The following CD5 variants were observed in gnomAD, a reference collection of about 807,000 sequenced individuals.
CD5 encodes the protein T-cell surface glycoprotein CD5.
A neutral mutation model predicts 60.3 loss-of-function variants in CD5; 36 were observed. That is an observed-to-expected ratio of 0.60 (90% confidence interval 0.46 to 0.79). The LOEUF (loss-of-function observed/expected upper bound fraction) is 0.79, where lower values mean the gene tolerates loss of function less well. CD5 is among the 30% of genes least tolerant of loss of function. CD5 has a pLI of 0.00. For synonymous variants in CD5, 230 were observed against 257.6 expected (o/e 0.89, Z 1.03); for missense variants, 540 against 630.6 (o/e 0.86, Z 1.54).
intron 8 of CD5, among the ~76,000 whole-genome samples, chr11:61,124,695 G>A (rs1171300914): frequency 6.6e-6 from 1 of 151,832 alleles, no homozygotes. Flanking sequence ...TAACATACAG[G>A]CCCTCAGCTC....
the CD5 span, among the ~76,000 whole-genome samples, chr11:61,094,465 A>G: frequency 6.6e-6 from 1 of 151,678 alleles, no homozygotes; most frequent in Non-Finnish European, 1.5e-5. Flanking sequence ...GAACTTGCCT[A>G]CTCCATTTGA....
At position 61,127,272 on chromosome 11, in the gene CD5, G is replaced by A. The variant is rs1422995948; in HGVS notation, c.*987G>A. ...GCTTCCTTAACTGCAAGTGAGAAGA[G>A]GAGGTCTACCCAGGAGCCTCGGGTC... On this transcript the variant is annotated 3_prime_UTR_variant, in exon 11 of 11. Transcript: ENST00000347785. 6.6e-6 allele frequency: 1 copy of A among 152,242 alleles called. No homozygotes were observed. Among genetic ancestry groups the A allele is most frequent in the Non-Finnish European group, 1.5e-5 (1 of 68,034 alleles). 9.4% of individuals were successfully genotyped at this position (152,242 alleles called of 1,614,324 possible).
At chr11:61,104,544 A>T (rs1424035973) in intron 1 of CD5, among the ~76,000 whole-genome samples, 1 of 152,164 alleles carries the variant, frequency 6.6e-6, no homozygotes, top group Non-Finnish European at 1.5e-5. Context: ...GCACCAGGCA[A>T]GTCCCCTGGC....
At chr11:61,117,265 T>C (rs1240622358) in intron 2 of CD5, among the ~76,000 whole-genome samples, 1 of 152,218 alleles carries the variant, frequency 6.6e-6, no homozygotes, top group Non-Finnish European at 1.5e-5. Context: ...TATGACATTG[T>C]AGCACAGGCA....
At position 61,119,121 on chromosome 11, in the gene CD5, C is replaced by T. The variant is rs188861489; in HGVS notation, c.464-113C>T. 1.6e-4 allele frequency: 197 copies of T among 1,209,544 alleles called. 2 individuals are homozygous for T. Among genetic ancestry groups the T allele is most frequent in the East Asian group, 1.5e-3 (65 of 42,538 alleles). 74.9% of individuals were successfully genotyped at this position (1,209,544 alleles called of 1,614,324 possible). A position where few individuals can be genotyped will look rare whatever the true frequency, so the allele number is the denominator to read the frequency against. Reference sequence around the variant, plus strand: ...CAATATTTGGGACCCCATCACCTCCCAAGGCTAAGCGTTAGTCAGTAGTTG... The same window carrying T: ...CAATATTTGGGACCCCATCACCTCCTAAGGCTAAGCGTTAGTCAGTAGTTG... On this transcript the variant is annotated intron_variant, in intron 4 of 10. Transcript: ENST00000347785.
intron 7 of CD5, 35 bp downstream of exon 7, chr11:61,123,067 C>A (rs771893006): frequency 2.5e-6 from 4 of 1,568,842 alleles, no homozygotes; most frequent in Non-Finnish European, 3.5e-6. Flanking sequence ...TCCGTTCCCA[C>A]GTGCAGAGAC....
chr11:61,120,824 C>T (rs1409568650), intron 5 of CD5, among the ~76,000 whole-genome samples: 1 of 152,234 alleles, frequency 6.6e-6, no homozygotes, highest in African/African-American at 2.4e-5. Context: ...GCAGTCCCAC[C>T]GGCCCCTCAG....
chr11:61,118,861 C>T lies in CD5; in HGVS notation c.401-54C>T. The T allele has an allele frequency of 7.4e-7, 1 of 1,348,234 alleles. No individual in the cohort carries two copies. Among genetic ancestry groups the T allele is most frequent in the Admixed American group, 1.7e-5 (1 of 57,162 alleles). The allele number at this position is 1,348,234 out of a possible 1,614,324, so 83.5% of individuals were successfully genotyped here. ...TGGTCCTCTCAAGGCTGCTGGCTGC[C>T]CCCGGCCCTCCCCACACCACCCATT... On this transcript the variant is annotated intron_variant, in intron 3 of 10. Transcript: ENST00000347785. This position sits in a 1 kb window ranked among gnomAD's most constrained non-coding sequence, Gnocchi z 4.7.
At chr11:61,100,910 A>C (rs1346561669), upstream of CD5, among the ~76,000 whole-genome samples, 4 of 141,000 alleles carry the variant, frequency 2.8e-5, no homozygotes, top group African/African-American at 5.5e-5. Context: ...CACACACATC[A>C]ACATGGAGAT....
At chr11:61,103,850 ATGTGTGAGTCTG>A (rs1353761649) in intron 1 of CD5, among the ~76,000 whole-genome samples, 5 of 79,028 alleles carry the variant, frequency 6.3e-5, no homozygotes, top group Admixed American at 4.0e-4. Flanking sequence ...GTGGGGGGGA[ATGTGTGAGTCTG>A]TGTGTGAGTC....
chr11:61,125,239 G>T, intron 9 of CD5, 88 bp downstream of exon 9: 1 of 1,473,556 alleles, frequency 6.8e-7, no homozygotes. Context: ...AAGGTCGGGT[G>T]ATGGCCCAAA....
In CD5 at chr11:61,127,137, T is replaced by C. The variant is rs1423430268; in HGVS notation, c.*852T>C. ...CACAGTTCATCTTCTAACCCAAGAG[T>C]CAGAGATGGGGCTGGTCATGTTCCT... On this transcript the variant is annotated 3_prime_UTR_variant, in exon 11 of 11. Transcript: ENST00000347785. 1 of 152,168 alleles carries C rather than the reference T, an allele frequency of 6.6e-6. No homozygotes were observed. Among genetic ancestry groups the C allele is most frequent in the Non-Finnish European group, 1.5e-5 (1 of 68,042 alleles). 9.4% of individuals were successfully genotyped at this position (152,168 alleles called of 1,614,324 possible).
upstream of CD5, among the ~76,000 whole-genome samples, chr11:61,101,356 ATGGAGAT>A (rs1860681346): frequency 1.0e-5 from 1 of 98,028 alleles, no homozygotes; most frequent in Non-Finnish European, 2.2e-5. Flanking sequence ...ACACATCAAC[ATGGAGAT>A]CACACACACA....
Position 61,126,437 on chromosome 11 carries a change from A to T in CD5, c.*152A>T, listed in dbSNP as rs1861150204. ...CTTCCGGACAGGCGCTGCTGCCCCGAGTGGCAGGCCAGCTCACACTCTGCT... is the reference window on the plus strand; with the variant it reads ...CTTCCGGACAGGCGCTGCTGCCCCGTGTGGCAGGCCAGCTCACACTCTGCT... On this transcript the variant is annotated 3_prime_UTR_variant, in exon 11 of 11. Transcript: ENST00000347785. The T allele has an allele frequency of 6.6e-6, 1 of 152,380 alleles. No homozygotes were observed. Among genetic ancestry groups the T allele is most frequent in the Non-Finnish European group, 1.5e-5 (1 of 68,064 alleles). The allele number at this position is 152,380 out of a possible 1,614,324, so 9.4% of individuals were successfully genotyped here. A position where few individuals can be genotyped will look rare whatever the true frequency, so the allele number is the denominator to read the frequency against.
In CD5 at chr11:61,121,739, T is replaced by C. The variant is rs1943893170; in HGVS notation, c.934T>C (p.Trp312Arg). The change falls in exon 6 of 11, where the codon TGG (tryptophan) becomes CGG (arginine). Residue 312 changes from tryptophan to arginine, a missense_variant. By Grantham distance (101) the Trp-to-Arg change is moderately radical. Transcript: ENST00000347785. ...DSSSARSSLRWEEVCREQQCG... is the reference protein window; with the variant it reads ...DSSSARSSLRREEVCREQQCG... ...CTCTTCAGCCAGGAGCTCGCTGCGG[T>C]GGGAGGAGGTGTGCCGGGAGCAGCA... The C allele has an allele frequency of 5.0e-6, 8 of 1,610,526 alleles. No homozygotes were observed. Among genetic ancestry groups the C allele is most frequent in the Non-Finnish European group, 6.8e-6 (8 of 1,177,672 alleles).
chr11:61,113,953 G>A (rs1257520487), intron 1 of CD5, among the ~76,000 whole-genome samples: 1 of 152,084 alleles, frequency 6.6e-6, no homozygotes, highest in African/African-American at 2.4e-5. Flanking sequence ...TATAGGCATG[G>A]GCCACCGTGC....
In CD5 at chr11:61,102,540, G is replaced by C. The variant is rs1860709156; in HGVS notation, c.-21G>C. The C allele has an allele frequency of 6.4e-7, 1 of 1,568,830 alleles. No homozygotes were observed. The highest frequency in any genetic ancestry group is 8.7e-7 in the Non-Finnish European group (1 of 1,156,032). ...TGCGGTGCCCAGCTGCCCAGGCTGA[G>C]GCAAGAGAAGGCCAGAAACCATGCC... is the stretch of plus-strand genomic sequence containing the variant. On this transcript the variant is annotated 5_prime_UTR_variant, in exon 1 of 11. Transcript: ENST00000347785.
chr11:61,121,821 G>T lies in CD5; in HGVS notation c.1016G>T (p.Gly339Val). Reference sequence around the variant, plus strand: ...GACGCTGGTGACCCAACATCCCGGGGGCTCTTCTGTCCCCATCAGAAGCTG... The same window carrying T: ...GACGCTGGTGACCCAACATCCCGGGTGCTCTTCTGTCCCCATCAGAAGCTG... ...VLDAGDPTSR[G>V]LFCPHQKLSQ... The change falls in exon 6 of 11, where the codon GGG (glycine) becomes GTG (valine). Residue 339 changes from glycine to valine, a missense_variant. Gly to Val is a moderately radical substitution (Grantham distance 109). Coordinates refer to ENST00000347785, the MANE Select transcript of CD5 (RefSeq NM_014207.4). 1.2e-6 allele frequency: 2 copies of T among 1,608,150 alleles called. No individual in the cohort carries two copies. Among genetic ancestry groups the T allele is most frequent in the Non-Finnish European group, 8.5e-7 (1 of 1,175,742 alleles).
At chr11:61,117,257 T>C (rs570295015) in intron 2 of CD5, among the ~76,000 whole-genome samples, 2 of 152,332 alleles carry the variant, frequency 1.3e-5, no homozygotes, top group South Asian at 4.1e-4. Flanking sequence ...TCCATGTCTA[T>C]GACATTGTAG....
Sources: allele counts gnomAD v4.1 joint callset (sites outside exome capture counted in the v4.1 genomes callset), GRCh38; gene constraint gnomAD v4.1.1; non-coding constraint Gnocchi (gnomAD v3.1); transcripts MANE v1.5; gene names NCBI Gene and HGNC (gene_info 2026-07-23, HGNC 2026-07-21).